NFIB: variants seen among roughly 807,000 people sequenced by gnomAD.
NFIB encodes the protein nuclear factor I B.
NFIB carries 11 observed loss-of-function variants against 61.5 expected under a neutral mutation model. The observed-to-expected ratio is 0.18, with a 90% CI of 0.11 to 0.30. NFIB has a LOEUF of 0.30. NFIB is among the 10% of genes least tolerant of loss of function. The pLI, the probability that NFIB is intolerant of heterozygous loss-of-function variation, is 1.00. For synonymous variants in NFIB, 260 were observed against 216.5 expected, an observed-to-expected ratio of 1.20 and a Z score of -1.76; for missense variants, 471 against 608.9, an observed-to-expected ratio of 0.77 and a Z score of 2.38.
intron 2 of NFIB, among the ~76,000 whole-genome samples, chr9:14,201,317 C>G (rs1052009083): frequency 9.2e-5 from 14 of 152,154 alleles, no homozygotes; most frequent in African/African-American, 3.1e-4. Flanking sequence ...CTGGCCCCAG[C>G]CTAGCCTCAC....
intron 5 of NFIB, among the ~76,000 whole-genome samples, chr9:14,147,880 G>A (rs1049675167): frequency 6.6e-6 from 1 of 151,820 alleles, no homozygotes; most frequent in Non-Finnish European, 1.5e-5. Flanking sequence ...GGACTCAAGC[G>A]ATCCTCCCAC....
chr9:14,497,573 C>T, the NFIB span, among the ~76,000 whole-genome samples: 13 of 152,142 alleles, frequency 8.5e-5, no homozygotes, highest in Non-Finnish European at 1.6e-4. Flanking sequence ...TTTTCAAATG[C>T]CATCTTATAG....
At chr9:14,423,038 TTCTATC>T in the NFIB span, among the ~76,000 whole-genome samples, 1 of 152,350 alleles carries the variant, frequency 6.6e-6, no homozygotes, top group East Asian at 1.9e-4. Context: ...AAATGATCAT[TTCTATC>T]TCTATTAGAC....
rs571706405 is a variant in NFIB at position 14,185,655 on chromosome 9, C to T, written c.563-5875G>A. 1.3e-4 allele frequency among the ~76,000 whole-genome samples: 20 copies of T among 152,168 alleles called. No individual in the cohort carries two copies. The South Asian group carries it at 3.9e-3, about 30-fold the overall frequency. On this transcript the variant is annotated intron_variant, in intron 2 of 10. Coordinates refer to ENST00000380953, the MANE Select transcript of NFIB (RefSeq NM_001190737.2). ...TGGTTAAGTCAAATGAACAGAAAAC[C>T]ATCAGTCTATAAACTATAAAAGTGC...
intron 1 of NFIB, among the ~76,000 whole-genome samples, chr9:14,356,233 C>T (rs991078104): frequency 6.6e-6 from 1 of 152,130 alleles, no homozygotes. Context: ...TAGGAGGGAA[C>T]TTATGGATCC....
At chr9:14,353,679 C>G (rs989509306) in intron 1 of NFIB, among the ~76,000 whole-genome samples, 1 of 152,144 alleles carries the variant, frequency 6.6e-6, no homozygotes, top group Non-Finnish European at 1.5e-5. Flanking sequence ...CCGCCGATGC[C>G]TGCGAGCTGA....
chr9:14,426,006 T>C, the NFIB span, among the ~76,000 whole-genome samples: 1 of 152,160 alleles, frequency 6.6e-6, no homozygotes, highest in East Asian at 1.9e-4. Context: ...CTTTCTTCTT[T>C]TCCTTACCTC....
chr9:14,150,027 T>C, intron 5 of NFIB, 118 bp downstream of exon 5: 1 of 1,417,308 alleles, frequency 7.1e-7, no homozygotes, highest in Non-Finnish European at 9.6e-7. Context: ...ATCTGTGTAC[T>C]ACCAGCAAAA....
intron 9 of NFIB, among the ~76,000 whole-genome samples, chr9:14,113,647 C>A (rs775143500): frequency 6.6e-6 from 1 of 151,962 alleles, no homozygotes; most frequent in Non-Finnish European, 1.5e-5. Flanking sequence ...TGAATCAGCT[C>A]GGTATTTTAC....
rs2056084404 is a variant in NFIB at position 14,255,079 on chromosome 9, C to G, written c.562+51910G>C. 2.0e-5 allele frequency among the ~76,000 whole-genome samples: 3 copies of G among 151,984 alleles called. 1 individual carries two copies. The highest frequency in any genetic ancestry group is 6.6e-5 in the Admixed American group (1 of 15,240). The stretch of plus-strand genomic sequence containing the variant: ...TCTTCAAAATAAAAATAAAAATAGC[C>G]AGGTGTGGTGGCGCATACCTGTAGT... On this transcript the variant is annotated intron_variant, in intron 2 of 10. Coordinates refer to ENST00000380953, the MANE Select transcript of NFIB (RefSeq NM_001190737.2).
At chr9:14,342,853 C>T (rs2060968576) in intron 1 of NFIB, among the ~76,000 whole-genome samples, 1 of 152,146 alleles carries the variant, frequency 6.6e-6, no homozygotes. Context: ...ACCAAGCAAC[C>T]AAACAATGAG....
At chr9:14,212,365 A>C (rs879823059) in intron 2 of NFIB, among the ~76,000 whole-genome samples, 3 of 152,194 alleles carry the variant, frequency 2.0e-5, no homozygotes, top group Admixed American at 6.5e-5. Context: ...ATGATTATAT[A>C]CTCATTTAAT....
At chr9:14,238,196 G>A (rs1453036845) in intron 2 of NFIB, among the ~76,000 whole-genome samples, 1 of 151,928 alleles carries the variant, frequency 6.6e-6, no homozygotes, top group African/African-American at 2.4e-5. Flanking sequence ...CAGCAGAAAG[G>A]ACAGACAGAG....
At chr9:14,275,321 G>C (rs2057921940) in intron 2 of NFIB, among the ~76,000 whole-genome samples, 1 of 152,054 alleles carries the variant, frequency 6.6e-6, no homozygotes, top group Non-Finnish European at 1.5e-5. Flanking sequence ...TTCTTTATCA[G>C]CCAACATTCT....
intron 6 of NFIB, among the ~76,000 whole-genome samples, chr9:14,129,860 T>C (rs1005159333): frequency 1.3e-5 from 2 of 152,024 alleles, no homozygotes; most frequent in African/African-American, 4.8e-5. Flanking sequence ...ATACATAAAA[T>C]AAAGCAGCTG....
In NFIB at chr9:14,243,044, G is replaced by A. The variant is rs181374385; in HGVS notation, c.563-63264C>T. Among the ~76,000 whole-genome samples the A allele has an allele frequency of 3.0e-3, 462 of 152,268 alleles. 1 individual carries two copies. The highest frequency in any genetic ancestry group is 3.9e-3 in the Non-Finnish European group (264 of 67,998). On this transcript the variant is annotated intron_variant, in intron 2 of 10. Coordinates refer to ENST00000380953, the MANE Select transcript of NFIB (RefSeq NM_001190737.2). ...TAAACTGCATTTATTTGTACAGTAT[G>A]TCGGTAAGGAAACAGCCCCCTGAAA...
chr9:14,504,478 T>C, the NFIB span, among the ~76,000 whole-genome samples: 1 of 152,222 alleles, frequency 6.6e-6, no homozygotes, highest in Non-Finnish European at 1.5e-5. Context: ...TGTGTTTCCA[T>C]TTGTTTGTGT....
chr9:14,162,407 A>G (rs980733212), intron 3 of NFIB, among the ~76,000 whole-genome samples: 3 of 152,114 alleles, frequency 2.0e-5, no homozygotes, highest in African/African-American at 4.8e-5. Context: ...TATTGGTGTT[A>G]TATATTACTG....
At chr9:14,296,734 T>C (rs930462649) in intron 2 of NFIB, among the ~76,000 whole-genome samples, 1 of 152,222 alleles carries the variant, frequency 6.6e-6, no homozygotes, top group African/African-American at 2.4e-5. Flanking sequence ...AGAAATAAGC[T>C]TTAGTGTCTG....
Sources: allele counts gnomAD v4.1 joint callset (sites outside exome capture counted in the v4.1 genomes callset), GRCh38; gene constraint gnomAD v4.1.1; transcripts MANE v1.5; gene names NCBI Gene and HGNC (gene_info 2026-07-23, HGNC 2026-07-21).